Variants in CHCHD3 observed in about 807,000 individuals in gnomAD.
CHCHD3 encodes the protein coiled-coil-helix-coiled-coil-helix domain containing 3, also known as MICOS complex subunit MIC19.
Under a neutral mutation model 38.2 loss-of-function variants are expected in CHCHD3, and 20 were observed. The ratio of observed to expected loss-of-function variants is 0.52; its 90% confidence interval spans 0.37 to 0.76. The LOEUF (loss-of-function observed/expected upper bound fraction) is 0.76, where lower values mean the gene tolerates loss of function less well. Ranked by LOEUF, CHCHD3 falls within the 30% of genes least tolerant of loss-of-function variation. The probability of loss-of-function intolerance (pLI) is 0.00; values close to 1 mark genes in which losing one functional copy is unlikely to be tolerated. For missense variants in CHCHD3, 245 were observed against 279.2 expected (o/e 0.88, Z 0.87); for synonymous variants, 82 against 100.0 (o/e 0.82, Z 1.07).
Position 133,035,290 on chromosome 7 carries a change from C to T in CHCHD3, c.170-10663G>A, listed in dbSNP as rs1023094842. The T allele has an allele frequency of 6.2e-7, 1 of 1,611,798 alleles. No individual in the cohort carries two copies. The highest frequency in any genetic ancestry group is 8.5e-7 in the Non-Finnish European group (1 of 1,178,046). On this transcript the variant is annotated intron_variant, in intron 2 of 7. Coordinates refer to ENST00000262570, the MANE Select transcript of CHCHD3 (RefSeq NM_017812.4). The surrounding 1 kb of genome is among the most constrained non-coding windows in gnomAD (Gnocchi z 4.7). ...TTAGCATCAAACTGGGCCATCTTCT[C>T]ACACAGTTTCAGTTCCCCCAAGACA...
chr7:133,067,546 G>C (rs181280190), intron 2 of CHCHD3, among the ~76,000 whole-genome samples: 24 of 152,174 alleles, frequency 1.6e-4, no homozygotes, highest in African/African-American at 5.3e-4. Flanking sequence ...AGGAAGCAAA[G>C]GTATATTTAT....
At chr7:132,956,568 TA>T (rs1397456464) in intron 4 of CHCHD3, among the ~76,000 whole-genome samples, 1 of 152,240 alleles carries the variant, frequency 6.6e-6, no homozygotes, top group African/African-American at 2.4e-5. Context: ...AAGTACAATA[TA>T]ATGTCATTAT....
intron 3 of CHCHD3, among the ~76,000 whole-genome samples, chr7:133,007,167 G>A (rs943082609): frequency 1.3e-5 from 2 of 152,244 alleles, no homozygotes; most frequent in Non-Finnish European, 2.9e-5. Context: ...GATCTATATT[G>A]ATAGGTACTA....
At chr7:132,801,334 C>G (rs1806787705) in intron 6 of CHCHD3, among the ~76,000 whole-genome samples, 1 of 152,134 alleles carries the variant, frequency 6.6e-6, no homozygotes, top group African/African-American at 2.4e-5. Flanking sequence ...GCTTTCCTGA[C>G]ATTCTTAATA....
At chr7:132,823,513 T>C (rs1807434731) in intron 6 of CHCHD3, among the ~76,000 whole-genome samples, 1 of 152,220 alleles carries the variant, frequency 6.6e-6, no homozygotes. Flanking sequence ...GGGCCACCTG[T>C]ATTATTTATC....
At chr7:133,039,014 C>T (rs1403343438) in intron 2 of CHCHD3, among the ~76,000 whole-genome samples, 1 of 152,164 alleles carries the variant, frequency 6.6e-6, no homozygotes, top group African/African-American at 2.4e-5. Flanking sequence ...TGGTGGGAAA[C>T]GCATATAAAG....
At chr7:132,867,660 AAT>A (rs1808666440) in intron 5 of CHCHD3, among the ~76,000 whole-genome samples, 1 of 152,214 alleles carries the variant, frequency 6.6e-6, no homozygotes, top group Admixed American at 6.5e-5. Flanking sequence ...GGTTACTTAA[AAT>A]ATGTATCATG....
In CHCHD3 at chr7:133,027,363, A is replaced by AAGAGAGAGAGAG. The variant is rs371411456; in HGVS notation, c.170-2748_170-2737dup. ...TGCTAAATGTACCTTAATAAGTTGT[A>AAGAGAGAGAGAG]AGAGAGAGAGAGAGAGAGAGAGAAA... On this transcript the variant is annotated intron_variant, in intron 2 of 7. Coordinates refer to ENST00000262570, the MANE Select transcript of CHCHD3 (RefSeq NM_017812.4). Among the ~76,000 whole-genome samples the AAGAGAGAGAGAG allele has an allele frequency of 3.4e-3, 457 of 133,852 alleles. 1 individual carries two copies. The highest frequency in any genetic ancestry group is 0.012 in the East Asian group (49 of 4,224). The allele number at this position is 133,852 out of a possible 152,430, so 87.8% of individuals were successfully genotyped here.
chr7:132,940,769 C>A (rs1810745872), intron 4 of CHCHD3, among the ~76,000 whole-genome samples: 1 of 152,158 alleles, frequency 6.6e-6, no homozygotes, highest in African/African-American at 2.4e-5. Context: ...TTAAGAAAGA[C>A]ATCCTTGACA....
intron 4 of CHCHD3, among the ~76,000 whole-genome samples, chr7:132,959,390 T>G (rs1286495968): frequency 6.6e-6 from 1 of 152,186 alleles, no homozygotes; most frequent in Non-Finnish European, 1.5e-5. Flanking sequence ...CAAAAATGTT[T>G]TATGTACAGT....
intron 2 of CHCHD3, among the ~76,000 whole-genome samples, chr7:133,067,933 G>A (rs1322745040): frequency 6.6e-6 from 1 of 152,044 alleles, no homozygotes; most frequent in Non-Finnish European, 1.5e-5. Flanking sequence ...TGGCTAACAC[G>A]GTGAAACCCC....
At chr7:133,009,153 C>T (rs1370003393) in intron 3 of CHCHD3, among the ~76,000 whole-genome samples, 3 of 151,846 alleles carry the variant, frequency 2.0e-5, no homozygotes, top group Non-Finnish European at 4.4e-5. Context: ...CACCTGAGGC[C>T]AGGAGCTTGA....
rs1288730861 is a variant in CHCHD3, at chr7:132,894,334, G to A, written c.370-8589C>T. ...ACTATGACACAGTAAGAAACTCAGT[G>A]AGGAGACAGAAGACTTGGGTGCCCA... On this transcript the variant is annotated intron_variant, in intron 4 of 7. Coordinates refer to ENST00000262570, the MANE Select transcript of CHCHD3 (RefSeq NM_017812.4). 2.0e-5 allele frequency among the ~76,000 whole-genome samples: 3 copies of A among 152,170 alleles called. No homozygotes were observed. The East Asian group carries it at 5.8e-4, about 29-fold the overall frequency.
At chr7:132,925,396 T>G (rs1810349834) in intron 4 of CHCHD3, among the ~76,000 whole-genome samples, 1 of 152,164 alleles carries the variant, frequency 6.6e-6, no homozygotes, top group East Asian at 1.9e-4. Flanking sequence ...TGACAGAAAT[T>G]TCACTACCAC....
chr7:132,908,422 T>G (rs1339958904), intron 4 of CHCHD3, among the ~76,000 whole-genome samples: 1 of 152,240 alleles, frequency 6.6e-6, no homozygotes, highest in Non-Finnish European at 1.5e-5. Flanking sequence ...GTCTTAATTT[T>G]AATATTTGTT....
chr7:132,832,547 T>C (rs1220168795), intron 6 of CHCHD3, among the ~76,000 whole-genome samples: 3 of 152,092 alleles, frequency 2.0e-5, no homozygotes, highest in African/African-American at 4.8e-5. Context: ...CACTTCATTA[T>C]GTAAAGGACA....
chr7:132,891,605 T>TA (rs201988818), intron 4 of CHCHD3, among the ~76,000 whole-genome samples: 2,624 of 152,330 alleles, frequency 0.017, 33 homozygotes, highest in Non-Finnish European at 0.025. Flanking sequence ...ATCGACATTT[T>TA]AAGTTTCTTC....
chr7:132,985,090 G>T (rs1164134143), intron 3 of CHCHD3, among the ~76,000 whole-genome samples: 9 of 93,052 alleles, frequency 9.7e-5, no homozygotes, highest in Admixed American at 1.1e-4. Flanking sequence ...TTAGCCCCCC[G>T]TCCGGCCAGC....
At chr7:132,820,237 C>T (rs1246090146) in intron 6 of CHCHD3, among the ~76,000 whole-genome samples, 1 of 152,176 alleles carries the variant, frequency 6.6e-6, no homozygotes, top group Non-Finnish European at 1.5e-5. Flanking sequence ...TATAGGACTG[C>T]AGCCATCATC....
Sources: allele counts gnomAD v4.1 joint callset (sites outside exome capture counted in the v4.1 genomes callset), GRCh38; gene constraint gnomAD v4.1.1; non-coding constraint Gnocchi (gnomAD v3.1); transcripts MANE v1.5; gene names NCBI Gene and HGNC (gene_info 2026-07-23, HGNC 2026-07-21).